SLC7A14: variants seen among roughly 807,000 people sequenced by gnomAD.
SLC7A14 encodes solute carrier family 7 member 14, also known as gamma-aminobutyric acid transporter SLC7A14.
In SLC7A14, 37 loss-of-function variants were observed where a neutral mutation model predicts 60.2. That is an observed-to-expected ratio of 0.61 (90% CI 0.47 to 0.81). The LOEUF (loss-of-function observed/expected upper bound fraction) is 0.81, where lower values mean the gene tolerates loss of function less well. SLC7A14 is among the 30% of genes least tolerant of loss of function. The pLI is 0.00. For synonymous variants in SLC7A14, 399 were observed against 395.8 expected (o/e 1.01, Z -0.10); for missense variants, 886 against 982.7 (o/e 0.90, Z 1.32).
intron 1 of SLC7A14, among the ~76,000 whole-genome samples, chr3:170,578,506 A>C (rs1218585753): frequency 6.6e-6 from 1 of 152,232 alleles, no homozygotes; most frequent in Non-Finnish European, 1.5e-5. Flanking sequence ...GTAGCATGGT[A>C]GCACAAACTT....
intron 7 of SLC7A14, among the ~76,000 whole-genome samples, chr3:170,468,303 T>TC (rs1480623312): frequency 6.6e-6 from 1 of 152,056 alleles, no homozygotes; most frequent in African/African-American, 2.4e-5. Flanking sequence ...CTTTTTCTTT[T>TC]CTTTTTTTTT....
chr3:170,580,032 T>G (rs953088208), intron 1 of SLC7A14, among the ~76,000 whole-genome samples: 5 of 152,334 alleles, frequency 3.3e-5, no homozygotes, highest in African/African-American at 7.2e-5. Context: ...TTTGATATAC[T>G]GTGTTTGCCT....
In SLC7A14 at chr3:170,540,061, G is replaced by T. The variant is rs555126583; in HGVS notation, c.-152-12973C>A. On this transcript the variant is annotated intron_variant, in intron 1 of 7. Transcript: ENST00000231706. ...CCACCAAGTGACTAAGTGGCGGGGT[G>T]GGGGGTAGTACAGAGTGTGGATACC... is the stretch of plus-strand genomic sequence containing the variant. 6.3e-4 allele frequency among the ~76,000 whole-genome samples: 96 copies of T among 152,220 alleles called. 2 individuals are homozygous for T. Among genetic ancestry groups the T allele is most frequent in the Non-Finnish European group, 2.8e-4 (19 of 68,006 alleles).
chr3:170,497,087 CAAAAAAAA>C (rs548290941), intron 4 of SLC7A14, among the ~76,000 whole-genome samples: 27 of 94,314 alleles, frequency 2.9e-4, no homozygotes, highest in Non-Finnish European at 4.4e-4. Flanking sequence ...TTATTTTGTC[CAAAAAAAA>C]AAAAAAAAAA....
intron 4 of SLC7A14, among the ~76,000 whole-genome samples, chr3:170,498,346 G>C (rs1222649788): frequency 6.6e-6 from 1 of 152,104 alleles, no homozygotes; most frequent in Non-Finnish European, 1.5e-5. Context: ...TTCCTCACAA[G>C]ATTATCAGGA....
At chr3:170,519,757 C>T (rs963247831) in intron 2 of SLC7A14, among the ~76,000 whole-genome samples, 16 of 152,102 alleles carry the variant, frequency 1.1e-4, no homozygotes, top group African/African-American at 3.4e-4. Context: ...GCCTGGGCAG[C>T]GGAGCAAGAC....
chr3:170,584,539 C>T (rs1715323038), intron 1 of SLC7A14, among the ~76,000 whole-genome samples: 1 of 152,192 alleles, frequency 6.6e-6, no homozygotes, highest in Non-Finnish European at 1.5e-5. Flanking sequence ...AAGCCGGGAA[C>T]CTTTTCCCAA....
chr3:170,483,751 T>C lies in SLC7A14; in HGVS notation c.907-229A>G, dbSNP rs574987102. ...ATTTAGTGGACTGGGCCAGAAACTC[T>C]CTATCTCTCTGGTCCTTTGATATCT... On this transcript the variant is annotated intron_variant, in intron 5 of 7. Coordinates refer to ENST00000231706, the MANE Select transcript of SLC7A14 (RefSeq NM_020949.3). Among the ~76,000 whole-genome samples the C allele has an allele frequency of 4.6e-5, 7 of 152,348 alleles. No individual in the cohort carries two copies. The East Asian group carries it at 1.3e-3, about 29-fold the overall frequency.
At chr3:170,530,101 C>T (rs571618668) in intron 1 of SLC7A14, among the ~76,000 whole-genome samples, 1 of 152,278 alleles carries the variant, frequency 6.6e-6, no homozygotes, top group African/African-American at 2.4e-5. Flanking sequence ...TTGCAAAAAC[C>T]GCAATTACTT....
Position 170,535,031 on chromosome 3 carries a change from GT to G in SLC7A14, c.-152-7944del, listed in dbSNP as rs1713796624. 3.3e-5 allele frequency among the ~76,000 whole-genome samples: 5 copies of G among 152,164 alleles called. No individual in the cohort carries two copies. Among genetic ancestry groups the G allele is most frequent in the Admixed American group, 2.6e-4 (4 of 15,278 alleles). ...ACCACGTTTCTCCTTCGATGCCCCA[GT>G]CAGGGAGGGTATCACAGTTTGACAT... is the stretch of plus-strand genomic sequence containing the variant. On this transcript the variant is annotated intron_variant, in intron 1 of 7. Transcript: ENST00000231706. The surrounding 1 kb of genome is among the most constrained non-coding windows in gnomAD (Gnocchi z 4.3).
At chr3:170,519,672 A>G (rs1315693748) in intron 2 of SLC7A14, among the ~76,000 whole-genome samples, 1 of 152,192 alleles carries the variant, frequency 6.6e-6, no homozygotes, top group African/African-American at 2.4e-5. Context: ...GCTACTCATG[A>G]GGCTGAGGCA....
At chr3:170,579,247 A>C (rs1200652916) in intron 1 of SLC7A14, among the ~76,000 whole-genome samples, 1 of 152,224 alleles carries the variant, frequency 6.6e-6, no homozygotes, top group Admixed American at 6.5e-5. Flanking sequence ...TCCCAGCATC[A>C]ATTTCTCTCT....
intron 1 of SLC7A14, among the ~76,000 whole-genome samples, chr3:170,527,331 C>G (rs879346287): frequency 5.9e-5 from 9 of 152,222 alleles, no homozygotes; most frequent in Non-Finnish European, 1.0e-4. Flanking sequence ...AGCTCTGCCA[C>G]TTACTGCTCT....
chr3:170,509,027 C>T (rs115627326), intron 2 of SLC7A14, among the ~76,000 whole-genome samples: 2,119 of 152,220 alleles, frequency 0.014, 38 homozygotes, highest in African/African-American at 0.048. Context: ...GTCCTCTTCC[C>T]GATGCCCTTG....
intron 1 of SLC7A14, among the ~76,000 whole-genome samples, chr3:170,544,184 G>T (rs560264730): frequency 6.6e-6 from 1 of 152,180 alleles, no homozygotes; most frequent in South Asian, 2.1e-4. Flanking sequence ...TGTGATTTGG[G>T]TCTGGCCAGG....
chr3:170,492,194 T>C (rs1222041723), intron 4 of SLC7A14, among the ~76,000 whole-genome samples: 2 of 152,200 alleles, frequency 1.3e-5, no homozygotes, highest in Non-Finnish European at 2.9e-5. Flanking sequence ...TAAAAGCACA[T>C]GTGCAGTACC....
intron 4 of SLC7A14, chr3:170,496,277 C>A: frequency 1.0e-6 from 1 of 972,244 alleles, no homozygotes; most frequent in Non-Finnish European, 1.7e-6. Context: ...AGAGCATGTA[C>A]CAGATCAAGT....
intron 4 of SLC7A14, among the ~76,000 whole-genome samples, chr3:170,497,688 G>T (rs1712452248): frequency 6.6e-6 from 1 of 152,194 alleles, no homozygotes; most frequent in Non-Finnish European, 1.5e-5. Context: ...GTTCTACCAT[G>T]AAAAAGAGGT....
intron 2 of SLC7A14, among the ~76,000 whole-genome samples, chr3:170,509,532 G>A (rs1425361464): frequency 1.3e-5 from 2 of 152,196 alleles, no homozygotes; most frequent in African/African-American, 2.4e-5. Context: ...CCAACTGGCC[G>A]GGCACGGTGG....
Sources: allele counts gnomAD v4.1 joint callset (sites outside exome capture counted in the v4.1 genomes callset), GRCh38; gene constraint gnomAD v4.1.1; non-coding constraint Gnocchi (gnomAD v3.1); transcripts MANE v1.5; gene names NCBI Gene and HGNC (gene_info 2026-07-23, HGNC 2026-07-21).